Variants in FKBP1B observed in about 807,000 individuals in gnomAD.
FKBP1B encodes the protein FKBP prolyl isomerase 1B, also known as peptidyl-prolyl cis-trans isomerase FKBP1B.
In FKBP1B, 4 loss-of-function variants were observed where a neutral mutation model predicts 13.5. That is an observed-to-expected ratio of 0.30 (90% CI 0.15 to 0.68). The LOEUF is 0.68. FKBP1B is among the 30% of genes least tolerant of loss of function. The pLI is 0.76. For missense variants in FKBP1B, 93 were observed against 136.2 expected, an observed-to-expected ratio of 0.68 and a Z score of 1.58; for synonymous variants, 54 against 53.6, an observed-to-expected ratio of 1.01 and a Z score of -0.03.
At chr2:24,059,894 C>CAAAAA (rs10679224) in intron 2 of FKBP1B, among the ~76,000 whole-genome samples, 11 of 49,766 alleles carry the variant, frequency 2.2e-4, no homozygotes, top group East Asian at 8.4e-4. Flanking sequence ...GACTCCGACT[C>CAAAAA]AAAAAAAAAA....
intron 1 of FKBP1B, among the ~76,000 whole-genome samples, chr2:24,052,414 C>T (rs1663921608): frequency 1.3e-5 from 2 of 152,176 alleles, no homozygotes; most frequent in African/African-American, 4.8e-5. Flanking sequence ...CAGCACCTAG[C>T]CTCCTTGCTC....
chr2:24,041,767 T>A, the FKBP1B span, among the ~76,000 whole-genome samples: 4 of 147,370 alleles, frequency 2.7e-5, no homozygotes, highest in African/African-American at 1.0e-4. Flanking sequence ...GCTGGACAAT[T>A]GCTTGAACCT....
At chr2:24,039,693 C>T in the FKBP1B span, among the ~76,000 whole-genome samples, 2 of 152,106 alleles carry the variant, frequency 1.3e-5, no homozygotes, top group East Asian at 3.8e-4. Flanking sequence ...AATGTATATA[C>T]TTTGGATCTT....
the FKBP1B span, chr2:24,033,278 G>A: frequency 6.6e-6 from 3 of 456,710 alleles, no homozygotes; most frequent in South Asian, 5.0e-5. Context: ...CTTCTTGGCT[G>A]TTTCAGATAT....
In FKBP1B at chr2:24,059,372, T is replaced by TA. The variant is rs1553320912; in HGVS notation, c.86-1442_86-1441insA. Among the ~76,000 whole-genome samples the TA allele has an allele frequency of 8.3e-5, 12 of 144,556 alleles. No individual in the cohort carries two copies. In the South Asian group the frequency reaches 1.9e-3, roughly 23 times the overall value. The allele number at this position is 144,556 out of a possible 152,430, so 94.8% of individuals were successfully genotyped here. ...GAACCAGAACTGCTGGACCAGCACC[T>TA]GGGGGGGGGTTCTGGTTTCAAACAG... On this transcript the variant is annotated intron_variant, in intron 2 of 3. Transcript: ENST00000380986.
In FKBP1B at chr2:24,063,313, T is replaced by C; in HGVS notation, c.*121T>C. ...TCAGTGTGCTAACCTCACTGCCTCA[T>C]GGCATCATCCATTCTCTCTGCCCAA... is the stretch of plus-strand genomic sequence containing the variant. On this transcript the variant is annotated 3_prime_UTR_variant, in exon 4 of 4. Transcript: ENST00000380986. 1.1e-6 allele frequency: 1 copy of C among 927,708 alleles called. No homozygotes were observed. The highest frequency in any genetic ancestry group is 1.5e-6 in the Non-Finnish European group (1 of 648,228). The allele number at this position is 927,708 out of a possible 1,614,324, so 57.5% of individuals were successfully genotyped here.
At chr2:24,045,026 G>C (rs919177473), upstream of FKBP1B, among the ~76,000 whole-genome samples, 4 of 152,036 alleles carry the variant, frequency 2.6e-5, no homozygotes, top group Admixed American at 2.6e-4. Context: ...TGGAATCTTG[G>C]GGGAACCAGC....
chr2:24,037,550 A>G, the FKBP1B span: 3 of 1,104,984 alleles, frequency 2.7e-6, no homozygotes, highest in Non-Finnish European at 2.6e-6. Flanking sequence ...ACTTGCCTGT[A>G]ACATAACATG....
At chr2:24,045,117 T>C (rs1468256685), upstream of FKBP1B, among the ~76,000 whole-genome samples, 1 of 152,070 alleles carries the variant, frequency 6.6e-6, no homozygotes, top group Admixed American at 6.6e-5. Context: ...AAAGTGAAAA[T>C]GAAGCAAGTT....
chr2:24,037,560 G>T, the FKBP1B span: 1 of 1,188,196 alleles, frequency 8.4e-7, no homozygotes, highest in Non-Finnish European at 1.2e-6. Context: ...AACATAACAT[G>T]CCCAGCTTAG....
Position 24,050,314 on chromosome 2 carries a change from C to T in FKBP1B, c.37+428C>T, listed in dbSNP as rs1423677680. Among the ~76,000 whole-genome samples the T allele has an allele frequency of 1.3e-5, 2 of 152,308 alleles. No individual in the cohort carries two copies. Among genetic ancestry groups the T allele is most frequent in the East Asian group, 3.9e-4 (2 of 5,164 alleles). On this transcript the variant is annotated intron_variant, in intron 1 of 3. Transcript: ENST00000380986. The surrounding 1 kb of genome is among the most constrained non-coding windows in gnomAD (Gnocchi z 5.8). ...GCTCGGGGACCTCCTCCTAGCGCGT[C>T]CCCCGCCGGGCCTCCCCTCGGTCGC... is the stretch of plus-strand genomic sequence containing the variant.
chr2:24,038,618 G>A, the FKBP1B span: 3 of 1,614,122 alleles, frequency 1.9e-6, no homozygotes, highest in Non-Finnish European at 2.5e-6. Context: ...TCAGACTTAT[G>A]TTGATTGAAA....
chr2:24,036,807 T>C, the FKBP1B span, among the ~76,000 whole-genome samples: 2 of 152,316 alleles, frequency 1.3e-5, no homozygotes, highest in East Asian at 1.9e-4. Context: ...TATATCTATG[T>C]ACACAAAGAC....
intron 2 of FKBP1B, among the ~76,000 whole-genome samples, chr2:24,057,372 G>T (rs13016549): frequency 1.2e-4 from 14 of 114,354 alleles, no homozygotes; most frequent in Non-Finnish European, 1.9e-4. Flanking sequence ...ATTTTTTTTT[G>T]GTTTTTTTTT....
At chr2:24,048,284 A>G (rs369820444), upstream of FKBP1B, among the ~76,000 whole-genome samples, 1 of 151,966 alleles carries the variant, frequency 6.6e-6, no homozygotes, top group Admixed American at 6.6e-5. Context: ...AGCCTGGCCA[A>G]CATGGTGAAA....
chr2:24,061,779 T>A (rs1000674771), intron 3 of FKBP1B, among the ~76,000 whole-genome samples: 1 of 152,162 alleles, frequency 6.6e-6, no homozygotes, highest in African/African-American at 2.4e-5. Flanking sequence ...GCTGAGTGGG[T>A]TCTCAACAAC....
At chr2:24,037,704 A>G in the FKBP1B span, 13 of 1,613,368 alleles carry the variant, frequency 8.1e-6, no homozygotes, top group Non-Finnish European at 1.1e-5. Flanking sequence ...CATAAGGAAG[A>G]TCTTGAGAGA....
In FKBP1B at chr2:24,053,885, C is replaced by T. The variant is rs1014666319; in HGVS notation, c.38-17C>T. The T allele has an allele frequency of 6.2e-7, 1 of 1,613,820 alleles. No homozygotes were observed. Among genetic ancestry groups the T allele is most frequent in the East Asian group, 2.2e-5 (1 of 44,878 alleles). ...CCAATATCCTACTCCTTCATCTGCC[C>T]TCATGTCTCCCTGCAGGAAGGACAT... On this transcript the variant is annotated splice_polypyrimidine_tract_variant and intron_variant, in intron 1 of 3. Coordinates refer to ENST00000380986, the MANE Select transcript of FKBP1B (RefSeq NM_004116.5).
chr2:24,052,974 T>TA (rs889842047), intron 1 of FKBP1B, among the ~76,000 whole-genome samples: 75 of 146,668 alleles, frequency 5.1e-4, no homozygotes, highest in Admixed American at 2.1e-3. Flanking sequence ...CCCCTACTCT[T>TA]AAAAAAAAAA....
Sources: allele counts gnomAD v4.1 joint callset (sites outside exome capture counted in the v4.1 genomes callset), GRCh38; gene constraint gnomAD v4.1.1; non-coding constraint Gnocchi (gnomAD v3.1); transcripts MANE v1.5; gene names NCBI Gene and HGNC (gene_info 2026-07-23, HGNC 2026-07-21).